ADGRA3: variants seen among roughly 807,000 people sequenced by gnomAD.
The protein encoded by ADGRA3 is adhesion G protein-coupled receptor A3.
A neutral mutation model predicts 119.8 loss-of-function variants in ADGRA3; 56 were observed. That is an observed-to-expected ratio of 0.47 (90% CI 0.38 to 0.58). The LOEUF (loss-of-function observed/expected upper bound fraction) is 0.58. Among genes scored for constraint, ADGRA3 ranks in the 20% least tolerant of loss-of-function variants. ADGRA3 has a pLI of 0.00. For missense variants in ADGRA3, 1,516 were observed against 1,649.0 expected (o/e 0.92, Z 1.40); for synonymous variants, 607 against 623.8 (o/e 0.97, Z 0.40).
At chr4:22,472,334 C>T (rs1332497670) in intron 2 of ADGRA3, among the ~76,000 whole-genome samples, 2 of 152,140 alleles carry the variant, frequency 1.3e-5, no homozygotes, top group Non-Finnish European at 2.9e-5. Context: ...GTCTGCTTTC[C>T]TGATAGTCCC....
At chr4:22,430,235 T>C (rs574466884) in intron 10 of ADGRA3, among the ~76,000 whole-genome samples, 24 of 152,156 alleles carry the variant, frequency 1.6e-4, no homozygotes, top group African/African-American at 3.9e-4. Flanking sequence ...TTGGTACCAA[T>C]AGAGTGAGGC....
intron 14 of ADGRA3, among the ~76,000 whole-genome samples, chr4:22,411,580 C>A (rs1166677005): frequency 1.3e-5 from 2 of 152,004 alleles, no homozygotes; most frequent in Non-Finnish European, 2.9e-5. Context: ...GCCTGGGCAA[C>A]CTGAGTGAGA....
chr4:22,433,944 A>T (rs1245792264), intron 10 of ADGRA3, among the ~76,000 whole-genome samples: 1 of 152,102 alleles, frequency 6.6e-6, no homozygotes, highest in Non-Finnish European at 1.5e-5. Flanking sequence ...GAAGTTCAGA[A>T]AACAAATGAA....
At chr4:22,432,400 T>C (rs1716219033) in intron 10 of ADGRA3, among the ~76,000 whole-genome samples, 1 of 148,022 alleles carries the variant, frequency 6.8e-6, no homozygotes. Flanking sequence ...AGCTTAATAA[T>C]ACAGAAAAGT....
At chr4:22,390,194 C>T (rs948129185) in intron 17 of ADGRA3, among the ~76,000 whole-genome samples, 2 of 151,332 alleles carry the variant, frequency 1.3e-5, no homozygotes, top group Non-Finnish European at 2.9e-5. Flanking sequence ...CAAAATTAAT[C>T]TTGGGTCCTA....
chr4:22,413,488 T>C lies in ADGRA3; in HGVS notation c.2024-98A>G, dbSNP rs917019800. 4.4e-6 allele frequency: 6 copies of C among 1,368,404 alleles called. No individual in the cohort carries two copies. The East Asian group carries it at 1.2e-4, about 26-fold the overall frequency. 84.8% of individuals were successfully genotyped at this position (1,368,404 alleles called of 1,614,324 possible). A position where few individuals can be genotyped will look rare whatever the true frequency, so the allele number is the denominator to read the frequency against. On this transcript the variant is annotated intron_variant, in intron 13 of 18. Transcript: ENST00000334304. Reference sequence around the variant, plus strand: ...TAATGGGTACTCTGCAAGATCTTTCTTCACTAGTGACTCATTAAAACGAGA... The same window carrying C: ...TAATGGGTACTCTGCAAGATCTTTCCTCACTAGTGACTCATTAAAACGAGA...
intron 1 of ADGRA3, 30 bp downstream of exon 1, chr4:22,515,498 A>G (rs1719623856): frequency 1.3e-6 from 2 of 1,596,930 alleles, no homozygotes; most frequent in African/African-American, 1.4e-5. Flanking sequence ...GCCGAGCGGG[A>G]GAGGACCCAG....
intron 1 of ADGRA3, among the ~76,000 whole-genome samples, chr4:22,495,657 C>T (rs1718791850): frequency 2.0e-5 from 3 of 151,842 alleles, no homozygotes; most frequent in Admixed American, 1.3e-4. Context: ...GCCTGTAATC[C>T]CAGCACTTTG....
chr4:22,440,519 G>C (rs1410268451), intron 7 of ADGRA3, among the ~76,000 whole-genome samples: 1 of 152,062 alleles, frequency 6.6e-6, no homozygotes, highest in Admixed American at 6.5e-5. Flanking sequence ...GGCTTCACAT[G>C]AAAGATTTTC....
rs1224053675 is a variant in ADGRA3 at position 22,388,856 on chromosome 4, A to G, written c.2815T>C (p.Phe939Leu). 4 of 1,614,136 alleles carry G rather than the reference A, an allele frequency of 2.5e-6. No homozygotes were observed. The South Asian group carries it at 4.4e-5, about 18-fold the overall frequency. The change falls in exon 19 of 19, where the codon TTT becomes CTT. Residue 939 changes from phenylalanine to leucine, a missense_variant. Around this residue, in one of 2 missense-constraint regions of ADGRA3, gnomAD observed 1,088 missense variants for 1,107.1 expected, o/e 0.98. Coordinates refer to ENST00000334304, the MANE Select transcript of ADGRA3 (RefSeq NM_145290.4). ...TCAGGGTGTCTTTTCAACTGAATAA[A>G]TATGCTCAGAAAGTACATGCAGTTT... ...FVNCMYFLSI[F>L]IQLKRHPERK...
chr4:22,487,743 G>A (rs1364382179), intron 1 of ADGRA3, among the ~76,000 whole-genome samples: 9 of 152,156 alleles, frequency 5.9e-5, no homozygotes, highest in Non-Finnish European at 1.3e-4. Context: ...CATTCGGCAA[G>A]CACTACCTGC....
chr4:22,503,728 G>A (rs1005295085), intron 1 of ADGRA3, among the ~76,000 whole-genome samples: 20 of 151,950 alleles, frequency 1.3e-4, no homozygotes, highest in Non-Finnish European at 8.8e-5. Flanking sequence ...CCTCATATTG[G>A]GAGTGAATTT....
At chr4:22,422,073 C>T (rs998997722) in intron 11 of ADGRA3, among the ~76,000 whole-genome samples, 2 of 151,994 alleles carry the variant, frequency 1.3e-5, no homozygotes, top group Non-Finnish European at 1.5e-5. Flanking sequence ...CAGGCCCACT[C>T]GCTGGAGGAC....
intron 1 of ADGRA3, among the ~76,000 whole-genome samples, chr4:22,483,549 G>C (rs547977193): frequency 1.2e-4 from 18 of 152,110 alleles, no homozygotes; most frequent in Non-Finnish European, 2.1e-4. Context: ...CAATAAAAGT[G>C]TCCTAAGATA....
At chr4:22,436,935 G>A (rs1480661013) in intron 8 of ADGRA3, among the ~76,000 whole-genome samples, 1 of 152,118 alleles carries the variant, frequency 6.6e-6, no homozygotes, top group African/African-American at 2.4e-5. Context: ...CACATAAATA[G>A]ATCAAGCAAC....
intron 1 of ADGRA3, among the ~76,000 whole-genome samples, chr4:22,489,763 T>C (rs1292934936): frequency 6.6e-6 from 1 of 152,224 alleles, no homozygotes; most frequent in African/African-American, 2.4e-5. Context: ...GAGTTCAGTA[T>C]ATTCTGCCTT....
At chr4:22,429,037 A>C (rs923597994) in intron 10 of ADGRA3, among the ~76,000 whole-genome samples, 5 of 151,958 alleles carry the variant, frequency 3.3e-5, no homozygotes, top group African/African-American at 1.2e-4. Flanking sequence ...TCATGTAATA[A>C]TCATAATTCT....
At chr4:22,496,341 G>C (rs1718824665) in intron 1 of ADGRA3, among the ~76,000 whole-genome samples, 1 of 152,100 alleles carries the variant, frequency 6.6e-6, no homozygotes, top group Admixed American at 6.5e-5. Context: ...ACAAATTAGG[G>C]ATAATCATAA....
chr4:22,401,964 A>G (rs541130862), intron 15 of ADGRA3, among the ~76,000 whole-genome samples: 12 of 152,036 alleles, frequency 7.9e-5, no homozygotes, highest in Admixed American at 2.6e-4. Flanking sequence ...AGGTCTAAAC[A>G]CTCAATGCAT....
Sources: allele counts gnomAD v4.1 joint callset (sites outside exome capture counted in the v4.1 genomes callset), GRCh38; gene constraint gnomAD v4.1.1; regional missense constraint gnomAD v4.1.1; transcripts MANE v1.5; gene names NCBI Gene and HGNC (gene_info 2026-07-23, HGNC 2026-07-21).